Variants in ARHGAP20 observed in about 807,000 individuals in gnomAD.
ARHGAP20 encodes Rho GTPase activating protein 20.
ARHGAP20 carries 34 observed loss-of-function variants against 73.7 expected under a neutral mutation model. The observed-to-expected ratio is 0.46, with a 90% CI of 0.35 to 0.61. ARHGAP20 has a LOEUF of 0.61. Ranked by LOEUF, ARHGAP20 falls within the 20% of genes least tolerant of loss-of-function variation. The pLI is 0.00. For synonymous variants in ARHGAP20, 523 were observed against 518.2 expected, an observed-to-expected ratio of 1.01 and a Z score of -0.13; for missense variants, 1,314 against 1,420.9, an observed-to-expected ratio of 0.92 and a Z score of 1.21.
At chr11:110,637,198 TTA>T (rs1447114368) in intron 2 of ARHGAP20, among the ~76,000 whole-genome samples, 2 of 152,094 alleles carry the variant, frequency 1.3e-5, no homozygotes, top group African/African-American at 4.8e-5. Context: ...AGGTACAGTT[TTA>T]GAGACAGTGT....
At chr11:110,615,386 T>C (rs1461120107) in intron 5 of ARHGAP20, among the ~76,000 whole-genome samples, 167 bp downstream of exon 5, 1 of 152,184 alleles carries the variant, frequency 6.6e-6, no homozygotes, top group Non-Finnish European at 1.5e-5. Context: ...ACATTATTTG[T>C]AGCAAGTAAG....
intron 2 of ARHGAP20, among the ~76,000 whole-genome samples, chr11:110,653,764 C>T (rs567470613): frequency 6.6e-6 from 1 of 152,302 alleles, no homozygotes; most frequent in African/African-American, 2.4e-5. Flanking sequence ...TATAAAGATA[C>T]ATGCACACAT....
rs565580221 is a variant in ARHGAP20, at chr11:110,592,412, A to G, written c.965-257T>C. On this transcript the variant is annotated intron_variant, in intron 9 of 14. Coordinates refer to ENST00000683387, the MANE Select transcript of ARHGAP20 (RefSeq NM_001384657.1). ...GTTTTTGGACATCACTGGTCTGTTT[A>G]CTTGAATTTTGGCACTACATTTTCA... is the stretch of plus-strand genomic sequence containing the variant. Among the ~76,000 whole-genome samples the G allele has an allele frequency of 2.6e-5, 4 of 152,326 alleles. No individual in the cohort carries two copies. The South Asian group carries it at 8.3e-4, about 32-fold the overall frequency.
At chr11:110,703,518 C>T (rs1268955522) in intron 1 of ARHGAP20, among the ~76,000 whole-genome samples, 2 of 151,344 alleles carry the variant, frequency 1.3e-5, no homozygotes, top group African/African-American at 4.9e-5. Flanking sequence ...TATATGGATT[C>T]ATTCATATAT....
chr11:110,617,864 G>GT (rs1230351547), intron 4 of ARHGAP20, among the ~76,000 whole-genome samples: 1 of 152,096 alleles, frequency 6.6e-6, no homozygotes, highest in African/African-American at 2.4e-5. Flanking sequence ...AGAAAGCAGT[G>GT]TATCTTGGAA....
chr11:110,690,634 T>C lies in ARHGAP20; in HGVS notation c.106-5A>G. 2.5e-6 allele frequency: 4 copies of C among 1,613,922 alleles called. No individual in the cohort carries two copies. Among genetic ancestry groups the C allele is most frequent in the Non-Finnish European group, 3.4e-6 (4 of 1,179,864 alleles). On this transcript the variant is annotated splice_region_variant and splice_polypyrimidine_tract_variant and intron_variant, in intron 1 of 14. Transcript: ENST00000683387. ...TTCTGCTAGTGTTTTCATTTTCTGT[T>C]GATGAAACAAACCAAAATGAAGACC...
chr11:110,702,930 A>C (rs982554986), intron 1 of ARHGAP20, among the ~76,000 whole-genome samples: 5 of 152,206 alleles, frequency 3.3e-5, no homozygotes, highest in African/African-American at 4.8e-5. Context: ...GGGTAGGAAG[A>C]ATCAATATCA....
intron 2 of ARHGAP20, among the ~76,000 whole-genome samples, chr11:110,638,955 C>A (rs939025647): frequency 1.3e-5 from 2 of 151,966 alleles, no homozygotes; most frequent in African/African-American, 4.8e-5. Context: ...ACATATGTAA[C>A]TAACCTGCAC....
chr11:110,657,309 A>G (rs1949487982), intron 2 of ARHGAP20, among the ~76,000 whole-genome samples: 2 of 152,218 alleles, frequency 1.3e-5, no homozygotes, highest in Admixed American at 1.3e-4. Flanking sequence ...TCAGGACAAG[A>G]GAATAAGAAA....
At chr11:110,649,176 A>G (rs1305261860) in intron 2 of ARHGAP20, among the ~76,000 whole-genome samples, 2 of 115,948 alleles carry the variant, frequency 1.7e-5, no homozygotes, top group African/African-American at 3.2e-5. Flanking sequence ...TATACTTACT[A>G]TTGTTTGTTT....
chr11:110,602,708 G>T (rs926161240), intron 9 of ARHGAP20, among the ~76,000 whole-genome samples: 2 of 152,096 alleles, frequency 1.3e-5, no homozygotes, highest in African/African-American at 4.8e-5. Context: ...ATAGTTGAGG[G>T]CATTAGGAGT....
At chr11:110,652,906 A>G (rs1166292222) in intron 2 of ARHGAP20, among the ~76,000 whole-genome samples, 1 of 152,176 alleles carries the variant, frequency 6.6e-6, no homozygotes, top group East Asian at 1.9e-4. Flanking sequence ...AAAATTCAGA[A>G]ATAAGACTAC....
intron 1 of ARHGAP20, among the ~76,000 whole-genome samples, chr11:110,694,555 C>T (rs12281086): frequency 0.28 from 42,058 of 151,520 alleles, 6,206 homozygotes; most frequent in African/African-American, 0.39. Flanking sequence ...TGCAGCAACA[C>T]TACCAACTAA....
intron 9 of ARHGAP20, among the ~76,000 whole-genome samples, chr11:110,595,469 A>G (rs1947933929): frequency 6.6e-6 from 1 of 152,238 alleles, no homozygotes; most frequent in Non-Finnish European, 1.5e-5. Flanking sequence ...ATCAATGTAC[A>G]AAAATAACAA....
chr11:110,672,561 C>G (rs1412558155), intron 2 of ARHGAP20, among the ~76,000 whole-genome samples: 1 of 152,128 alleles, frequency 6.6e-6, no homozygotes, highest in Non-Finnish European at 1.5e-5. Context: ...TCTCCCACCT[C>G]AGCCTCCCGA....
chr11:110,676,597 T>C (rs1382666966), intron 2 of ARHGAP20, among the ~76,000 whole-genome samples: 1 of 152,192 alleles, frequency 6.6e-6, no homozygotes, highest in Non-Finnish European at 1.5e-5. Flanking sequence ...TTATGGGAAC[T>C]ACAATTTAAG....
chr11:110,579,226 G>C lies in ARHGAP20; in HGVS notation c.*144C>G. On this transcript the variant is annotated 3_prime_UTR_variant, in exon 15 of 15. Transcript: ENST00000683387. ...ATTTGTCAAGTAGTCTCAATAAAGA[G>C]AATTATTTCGTTGTCCTAAGTATTA... 7.3e-7 allele frequency: 1 copy of C among 1,362,192 alleles called. No homozygotes were observed. Among genetic ancestry groups the C allele is most frequent in the African/African-American group, 1.4e-5 (1 of 69,646 alleles). 84.4% of individuals were successfully genotyped at this position (1,362,192 alleles called of 1,614,324 possible). A position where few individuals can be genotyped will look rare whatever the true frequency, so the allele number is the denominator to read the frequency against.
rs1947400260 is a variant in ARHGAP20, at chr11:110,579,959, C to T, written c.2987G>A (p.Ser996Asn). The change falls in exon 15 of 15, where the codon AGC becomes AAC. Residue 996 changes from serine (S) to asparagine (N), a missense_variant. By Grantham distance (46) the Ser-to-Asn change is conservative. Coordinates refer to ENST00000683387, the MANE Select transcript of ARHGAP20 (RefSeq NM_001384657.1). ...EDLSPDFSNA[S>N]HVSGMPGPSS... ...GGGACCGGGCATTCCGGAAACATGGCTGGCATTGCTAAAGTCAGGAGAAAG... is the reference window on the plus strand; with the variant it reads ...GGGACCGGGCATTCCGGAAACATGGTTGGCATTGCTAAAGTCAGGAGAAAG... The T allele has an allele frequency of 6.2e-7, 1 of 1,614,230 alleles. No individual in the cohort carries two copies. Among genetic ancestry groups the T allele is most frequent in the Non-Finnish European group, 8.5e-7 (1 of 1,180,044 alleles).
At chr11:110,607,014 T>C (rs1412962723) in intron 8 of ARHGAP20, among the ~76,000 whole-genome samples, 1 of 152,124 alleles carries the variant, frequency 6.6e-6, no homozygotes, top group Non-Finnish European at 1.5e-5. Context: ...ACAGATCAGT[T>C]TGCGAGTTCC....
Sources: gnomAD v4.1 joint callset for allele counts (sites outside exome capture counted in the v4.1 genomes callset) on GRCh38, gnomAD v4.1.1 for gene constraint, MANE v1.5 for transcripts, NCBI Gene and HGNC (gene_info 2026-07-23, HGNC 2026-07-21) for gene names.